SHC3: variants seen among roughly 807,000 people sequenced by gnomAD.
The protein encoded by SHC3 is SHC adaptor protein 3.
In SHC3, 15 loss-of-function variants were observed where a neutral mutation model predicts 60.4. The ratio of observed to expected loss-of-function variants is 0.25; its 90% CI spans 0.17 to 0.38. The LOEUF is 0.38. SHC3 is among the 10% of genes least tolerant of loss of function. SHC3 has a pLI of 1.00. For missense variants in SHC3, 677 were observed against 786.1 expected (o/e 0.86, Z 1.66); for synonymous variants, 294 against 325.9 (o/e 0.90, Z 1.05).
intron 1 of SHC3, among the ~76,000 whole-genome samples, chr9:89,121,628 A>G (rs984985458): frequency 6.6e-6 from 1 of 152,220 alleles, no homozygotes; most frequent in African/African-American, 2.4e-5. Flanking sequence ...CAATGCTTAC[A>G]CACAGTCAAT....
intron 1 of SHC3, among the ~76,000 whole-genome samples, chr9:89,158,461 C>T (rs1326385163): frequency 6.6e-6 from 1 of 152,020 alleles, no homozygotes; most frequent in Non-Finnish European, 1.5e-5. Context: ...GTGAATGTTT[C>T]ATGAACACTT....
chr9:89,162,533 T>A (rs535032939), intron 1 of SHC3, among the ~76,000 whole-genome samples: 313 of 152,344 alleles, frequency 2.1e-3, no homozygotes, highest in African/African-American at 7.1e-3. Context: ...GAAAACTGGC[T>A]AGCCATATGT....
At chr9:89,106,363 C>T (rs997391636) in intron 2 of SHC3, among the ~76,000 whole-genome samples, 1 of 152,210 alleles carries the variant, frequency 6.6e-6, no homozygotes, top group African/African-American at 2.4e-5. Context: ...CTGTGTGGCT[C>T]CAGCCAGCGC....
intron 2 of SHC3, among the ~76,000 whole-genome samples, chr9:89,092,321 TA>T (rs1340643453): frequency 6.6e-6 from 1 of 152,112 alleles, no homozygotes; most frequent in Non-Finnish European, 1.5e-5. Flanking sequence ...TTTGCAACTA[TA>T]AAAAATCAGG....
At chr9:89,139,484 A>G (rs542447215) in intron 1 of SHC3, among the ~76,000 whole-genome samples, 18 of 152,220 alleles carry the variant, frequency 1.2e-4, no homozygotes, top group Non-Finnish European at 2.5e-4. Flanking sequence ...TGTTCCATAG[A>G]AGGAATCTCA....
intron 1 of SHC3, among the ~76,000 whole-genome samples, chr9:89,118,609 A>G (rs1383230254): frequency 6.6e-6 from 1 of 152,082 alleles, no homozygotes; most frequent in Non-Finnish European, 1.5e-5. Flanking sequence ...GAAACATTCT[A>G]AAAGTTTTCC....
chr9:89,031,012 T>C (rs1315572469), intron 11 of SHC3, among the ~76,000 whole-genome samples: 1 of 152,156 alleles, frequency 6.6e-6, no homozygotes, highest in Non-Finnish European at 1.5e-5. Context: ...TGCCTCAGCC[T>C]CTCAAGTAGC....
At chr9:89,034,183 C>A (rs1329151545) in intron 11 of SHC3, among the ~76,000 whole-genome samples, 1 of 152,172 alleles carries the variant, frequency 6.6e-6, no homozygotes, top group African/African-American at 2.4e-5. Flanking sequence ...TAAAGTTCAA[C>A]ACCTATATAT....
intron 2 of SHC3, among the ~76,000 whole-genome samples, chr9:89,093,391 T>C (rs1278715254): frequency 6.6e-6 from 1 of 152,180 alleles, no homozygotes; most frequent in Non-Finnish European, 1.5e-5. Context: ...CAAGAGATTT[T>C]TGGGAGTGGT....
intron 1 of SHC3, 142 bp from the exon 2 acceptor site, chr9:89,112,768 T>C: frequency 3.1e-6 from 2 of 650,730 alleles, no homozygotes; most frequent in Non-Finnish European, 2.4e-6. Flanking sequence ...AGGCTTTGTT[T>C]TGTTTCTATA....
chr9:89,048,241 T>TAAAAA (rs34217569), intron 7 of SHC3, among the ~76,000 whole-genome samples: 4 of 133,972 alleles, frequency 3.0e-5, no homozygotes, highest in African/African-American at 8.3e-5. Flanking sequence ...AAGACTCCAT[T>TAAAAA]AAAAAAAAAA....
intron 1 of SHC3, among the ~76,000 whole-genome samples, chr9:89,135,389 A>C (rs964880897): frequency 6.6e-6 from 1 of 152,182 alleles, no homozygotes; most frequent in East Asian, 1.9e-4. Context: ...TGAGGGTACA[A>C]ACCCATGGCT....
chr9:89,119,219 T>C (rs1488492778), intron 1 of SHC3, among the ~76,000 whole-genome samples: 1 of 151,650 alleles, frequency 6.6e-6, no homozygotes, highest in Admixed American at 6.6e-5. Flanking sequence ...CAAACTACTA[T>C]AGAACAAAAG....
rs528918363 is a variant in SHC3 at position 89,029,200 on chromosome 9, A to G, written c.1656+8793T>C. ...CAGGAGTTCTGAGATGAAAAAATATAGAAGGCAGGAAATTATCAAAAATAT... is the reference window on the plus strand; with the variant it reads ...CAGGAGTTCTGAGATGAAAAAATATGGAAGGCAGGAAATTATCAAAAATAT... On this transcript the variant is annotated intron_variant, in intron 11 of 11. Coordinates refer to ENST00000375835, the MANE Select transcript of SHC3 (RefSeq NM_016848.6). Among the ~76,000 whole-genome samples, 26 of 151,960 alleles carry G rather than the reference A, an allele frequency of 1.7e-4. No individual in the cohort carries two copies. The South Asian group carries it at 5.2e-3, about 30-fold the overall frequency.
At chr9:89,051,662 C>T (rs573196894) in intron 7 of SHC3, among the ~76,000 whole-genome samples, 4 of 152,260 alleles carry the variant, frequency 2.6e-5, no homozygotes, top group East Asian at 1.9e-4. Flanking sequence ...TTTGGCTAAT[C>T]GTAACGACAA....
intron 2 of SHC3, among the ~76,000 whole-genome samples, chr9:89,108,851 C>A (rs1308720173): frequency 6.6e-6 from 1 of 152,174 alleles, no homozygotes; most frequent in African/African-American, 2.4e-5. Flanking sequence ...GCAGCCAATT[C>A]ATGTCCACTT....
chr9:89,028,991 CTA>C (rs1284836950), intron 11 of SHC3, among the ~76,000 whole-genome samples: 1 of 148,162 alleles, frequency 6.7e-6, no homozygotes, highest in Non-Finnish European at 1.5e-5. Flanking sequence ...ATATAGATAT[CTA>C]TATAGATATC....
chr9:89,035,867 G>GA (rs1824570636), intron 11 of SHC3, among the ~76,000 whole-genome samples: 2 of 125,392 alleles, frequency 1.6e-5, no homozygotes, highest in Non-Finnish European at 3.6e-5. Context: ...GTGTGTGTGT[G>GA]TGTGTGTGTG....
intron 11 of SHC3, among the ~76,000 whole-genome samples, chr9:89,024,323 G>T (rs1826252311): frequency 6.6e-6 from 1 of 152,088 alleles, no homozygotes. Flanking sequence ...TGTCACCCAG[G>T]CTGGAGTGCA....
Sources: allele counts gnomAD v4.1 joint callset (sites outside exome capture counted in the v4.1 genomes callset), GRCh38; gene constraint gnomAD v4.1.1; transcripts MANE v1.5; gene names NCBI Gene and HGNC (gene_info 2026-07-23, HGNC 2026-07-21).